MPC2: variants seen among roughly 807,000 people sequenced by gnomAD.
The protein encoded by MPC2 is brain protein 44.
In MPC2, 19 loss-of-function variants were observed where a neutral mutation model predicts 19.2. That is an observed-to-expected ratio of 0.99 (90% CI 0.69 to 1.45). The LOEUF (loss-of-function observed/expected upper bound fraction) is 1.45. MPC2 is among the 40% of genes most tolerant of loss of function. MPC2 has a pLI of 0.00. For synonymous variants in MPC2, 61 were observed against 54.3 expected (o/e 1.12, Z -0.54); for missense variants, 122 against 153.0 (o/e 0.80, Z 1.07).
At chr1:167,925,919 T>TGTC (rs1236737676) in intron 2 of MPC2, among the ~76,000 whole-genome samples, 13 of 152,368 alleles carry the variant, frequency 8.5e-5, no homozygotes, top group African/African-American at 3.1e-4. Context: ...TTGATAAGTC[T>TGTC]GTCTTATGCT....
At chr1:167,933,659 A>T (rs1256515424) in intron 2 of MPC2, among the ~76,000 whole-genome samples, 1 of 152,230 alleles carries the variant, frequency 6.6e-6, no homozygotes, top group East Asian at 1.9e-4. Context: ...GTTAGGCAAA[A>T]TAGTATGCAA....
chr1:167,935,833 G>A lies in MPC2; in HGVS notation c.9C>T (p.Ala3=). The A allele has an allele frequency of 1.9e-6, 3 of 1,551,112 alleles. No individual in the cohort carries two copies. The highest frequency in any genetic ancestry group is 2.6e-6 in the Non-Finnish European group (3 of 1,147,780). ...TGGCCCGCAGGCCTCGGGCACCGGC[G>A]GCCGACATCGCCGCCGAGGGATCGT... MS[A]AGARGLRATY... Residue 3 remains alanine (A), a synonymous_variant, in exon 2 of 6, where the codon GCC becomes GCT. Transcript: ENST00000271373.
chr1:167,934,241 C>T (rs964577824), intron 2 of MPC2, among the ~76,000 whole-genome samples: 2 of 152,048 alleles, frequency 1.3e-5, no homozygotes, highest in Non-Finnish European at 2.9e-5. Flanking sequence ...GTAAGACTAC[C>T]CTCCAATTTT....
chr1:167,918,416 A>G (rs1670520821), intron 5 of MPC2, 57 bp from the exon 6 acceptor site: 1 of 1,167,388 alleles, frequency 8.6e-7, no homozygotes, highest in South Asian at 1.3e-5. Context: ...AATTTATGGT[A>G]AGGAGAGAAT....
At chr1:167,935,223 C>T (rs542851798) in intron 2 of MPC2, among the ~76,000 whole-genome samples, 27 of 152,294 alleles carry the variant, frequency 1.8e-4, no homozygotes, top group African/African-American at 6.5e-4. Context: ...AGAAATGACA[C>T]TGACTCAAGC....
Position 167,918,051 on chromosome 1 carries a change from CAGA to C in MPC2, c.*269_*271del. The C allele has an allele frequency of 3.4e-6, 1 of 295,304 alleles. No individual in the cohort carries two copies. The highest frequency in any genetic ancestry group is 6.0e-5 in the East Asian group (1 of 16,554). The allele number at this position is 295,304 out of a possible 1,614,324, so 18.3% of individuals were successfully genotyped here. A position where few individuals can be genotyped will look rare whatever the true frequency, so the allele number is the denominator to read the frequency against. On this transcript the variant is annotated 3_prime_UTR_variant, in exon 6 of 6. Coordinates refer to ENST00000271373, the MANE Select transcript of MPC2 (RefSeq NM_001143674.4). ...ATGTACATATGTTGGCTGACTGGAA[CAGA>C]AGGAGGCAGGGGGTATATACGAGCA...
intron 3 of MPC2, among the ~76,000 whole-genome samples, chr1:167,924,145 G>A (rs1670672555): frequency 6.6e-6 from 1 of 152,094 alleles, no homozygotes; most frequent in Admixed American, 6.6e-5. Context: ...AGTACCTTCA[G>A]TTCTCATACT....
At chr1:167,936,776 G>C (rs1032465009) in intron 1 of MPC2, 163 bp downstream of exon 1, 8 of 734,986 alleles carry the variant, frequency 1.1e-5, no homozygotes, top group Non-Finnish European at 1.6e-5. Context: ...TGCTGCCACC[G>C]CCATCTAACG....
chr1:167,936,474 G>C (rs758213205), intron 1 of MPC2: 1 of 186,576 alleles, frequency 5.4e-6, no homozygotes, highest in Admixed American at 5.8e-5. Flanking sequence ...GCGACTTAAG[G>C]ATCTGGTTAG....
In MPC2 at chr1:167,935,754, G is replaced by A. The variant is rs1245206065; in HGVS notation, c.88C>T (p.Pro30Ser). ...VELMLPEKLR[P>S]LYNHPAGPRT... ...TTACCTGCTGGATGGTTGTACAACGGCCTCAATTTCTCGGGCAGCATCAGC... is the reference window on the plus strand; with the variant it reads ...TTACCTGCTGGATGGTTGTACAACGACCTCAATTTCTCGGGCAGCATCAGC... The change falls in exon 2 of 6, where the codon CCG (proline) becomes TCG (serine). Residue 30 changes from proline to serine, a missense_variant. Transcript: ENST00000271373. 1 of 1,564,204 alleles carries A rather than the reference G, an allele frequency of 6.4e-7. No homozygotes were observed. The highest frequency in any genetic ancestry group is 2.4e-5 in the East Asian group (1 of 42,102).
At chr1:167,919,941 T>G in intron 5 of MPC2, 38 bp downstream of exon 5, 1 of 1,509,322 alleles carries the variant, frequency 6.6e-7, no homozygotes, top group Non-Finnish European at 9.0e-7. Flanking sequence ...TCTAAGTAGC[T>G]TTTGCAACAG....
chr1:167,924,494 TA>T lies in MPC2; in HGVS notation c.150+2del. 1 of 1,592,216 alleles carries T rather than the reference TA, an allele frequency of 6.3e-7. No homozygotes were observed. The highest frequency in any genetic ancestry group is 8.5e-7 in the Non-Finnish European group (1 of 1,171,008). ...GTAGCTTCCGTAAAAACTCAAGACTTACCCATTTCATAATTGGAGCCCAGAA... is the reference window on the plus strand; with the variant it reads ...GTAGCTTCCGTAAAAACTCAAGACTTCCCATTTCATAATTGGAGCCCAGAA... On this transcript the variant is annotated splice_donor_variant, in intron 3 of 5. Transcript: ENST00000271373. LOFTEE classifies it high-confidence loss of function.
At position 167,916,834 on chromosome 1, in the gene MPC2, C is replaced by G. The variant is rs940142327; in HGVS notation, c.*1489G>C. On this transcript the variant is annotated 3_prime_UTR_variant, in exon 6 of 6. Coordinates refer to ENST00000271373, the MANE Select transcript of MPC2 (RefSeq NM_001143674.4). ...CATGTGTGCACACCCATGCCAAACA[C>G]ACAAATGAATTTAACAGTGTGGTTT... 2.6e-5 allele frequency: 4 copies of G among 152,194 alleles called. No homozygotes were observed. Among genetic ancestry groups the G allele is most frequent in the Non-Finnish European group, 4.4e-5 (3 of 68,036 alleles). 9.4% of individuals were successfully genotyped at this position (152,194 alleles called of 1,614,324 possible). A position where few individuals can be genotyped will look rare whatever the true frequency, so the allele number is the denominator to read the frequency against.
At chr1:167,929,715 C>G (rs1177191362) in intron 2 of MPC2, among the ~76,000 whole-genome samples, 1 of 152,134 alleles carries the variant, frequency 6.6e-6, no homozygotes, top group Non-Finnish European at 1.5e-5. Context: ...ATATGATTCC[C>G]TCCCTAAGTA....
In MPC2 at chr1:167,917,900, T is replaced by C. The variant is rs1273391725; in HGVS notation, c.*423A>G. On this transcript the variant is annotated 3_prime_UTR_variant, in exon 6 of 6. Transcript: ENST00000271373. Reference sequence around the variant, plus strand: ...TAGTTTGAGGTCATCTTGATAGTCATTCCACTACCCATTTCTCAGTCTCTT... The same window carrying C: ...TAGTTTGAGGTCATCTTGATAGTCACTCCACTACCCATTTCTCAGTCTCTT... 6.5e-6 allele frequency: 1 copy of C among 154,634 alleles called. No homozygotes were observed. The highest frequency in any genetic ancestry group is 1.9e-4 in the East Asian group (1 of 5,292). The allele number at this position is 154,634 out of a possible 1,614,324, so 9.6% of individuals were successfully genotyped here.
intron 3 of MPC2, among the ~76,000 whole-genome samples, chr1:167,922,826 T>C (rs1415281257): frequency 6.6e-6 from 1 of 152,136 alleles, no homozygotes; most frequent in Non-Finnish European, 1.5e-5. Flanking sequence ...TTAAGAGAAT[T>C]ACAACAGCCC....
At position 167,918,248 on chromosome 1, in the gene MPC2, A is replaced by G. The variant is rs189565081; in HGVS notation, c.*75T>C. 25 of 1,229,352 alleles carry G rather than the reference A, an allele frequency of 2.0e-5. No homozygotes were observed. In the East Asian group the frequency reaches 4.3e-4, roughly 21 times the overall value. 76.2% of individuals were successfully genotyped at this position (1,229,352 alleles called of 1,614,324 possible). A position where few individuals can be genotyped will look rare whatever the true frequency, so the allele number is the denominator to read the frequency against. On this transcript the variant is annotated 3_prime_UTR_variant, in exon 6 of 6. Transcript: ENST00000271373. ...CTAAACACACAGTTAGCTTTGCTTTATCAATAACCAAATAATAAACTAGGT... is the reference window on the plus strand; with the variant it reads ...CTAAACACACAGTTAGCTTTGCTTTGTCAATAACCAAATAATAAACTAGGT...
intron 2 of MPC2, among the ~76,000 whole-genome samples, chr1:167,932,138 T>C (rs1301875204): frequency 6.6e-6 from 1 of 152,170 alleles, no homozygotes; most frequent in African/African-American, 2.4e-5. Context: ...CAGATAGCTG[T>C]TTTTGGGACT....
chr1:167,925,789 T>C (rs1670743632), intron 2 of MPC2, among the ~76,000 whole-genome samples: 1 of 151,952 alleles, frequency 6.6e-6, no homozygotes, highest in Non-Finnish European at 1.5e-5. Context: ...CCTTGTGATC[T>C]GCCCGCCTCA....
Sources: gnomAD v4.1 joint callset for allele counts (sites outside exome capture counted in the v4.1 genomes callset) on GRCh38, gnomAD v4.1.1 for gene constraint, MANE v1.5 for transcripts, NCBI Gene and HGNC (gene_info 2026-07-23, HGNC 2026-07-21) for gene names.